Variants in LRP1B observed in about 807,000 individuals in gnomAD.
The protein encoded by LRP1B is LDL receptor related protein 1B.
Under a neutral mutation model 556.6 loss-of-function variants are expected in LRP1B, and 217 were observed. The observed-to-expected ratio is 0.39, with a 90% CI of 0.35 to 0.44. The LOEUF is 0.44. Among genes scored for constraint, LRP1B ranks in the 20% least tolerant of loss-of-function variants. LRP1B has a pLI of 1.00. For missense variants in LRP1B, 5,053 were observed against 5,620.8 expected (o/e 0.90, Z 3.23); for synonymous variants, 2,047 against 1,865.8 (o/e 1.10, Z -2.50).
chr2:140,686,527 A>AGTGAGGTTG (rs765034711), intron 41 of LRP1B, among the ~76,000 whole-genome samples: 99 of 152,182 alleles, frequency 6.5e-4, no homozygotes, highest in Non-Finnish European at 1.2e-3. Context: ...AAATAATAAT[A>AGTGAGGTTG]GTGAGGTTGG....
intron 66 of LRP1B, among the ~76,000 whole-genome samples, chr2:140,397,434 TC>T (rs1281501932): frequency 6.6e-6 from 1 of 152,166 alleles, no homozygotes; most frequent in African/African-American, 2.4e-5. Context: ...AGACTTGTAT[TC>T]CTTGGAAAGT....
intron 66 of LRP1B, among the ~76,000 whole-genome samples, chr2:140,409,190 C>A (rs1005576651): frequency 6.6e-6 from 1 of 151,806 alleles, no homozygotes; most frequent in Non-Finnish European, 1.5e-5. Context: ...TGGGTAATTA[C>A]CTTGTTCTCA....
rs746703152 is a variant in LRP1B, at chr2:140,444,535, T to C, written c.10174+28A>G. 56 of 1,611,772 alleles carry C rather than the reference T, an allele frequency of 3.5e-5. 1 individual carries two copies. In the East Asian group the frequency reaches 1.2e-3, roughly 33 times the overall value. ...TAATCAGTTGAAAATTAGACTTATG[T>C]TCATTAGTTAGGAATTTAATCACCT... On this transcript the variant is annotated intron_variant, in intron 64 of 90. Coordinates refer to ENST00000389484, the MANE Select transcript of LRP1B (RefSeq NM_018557.3).
chr2:141,686,354 T>C (rs4954922), intron 2 of LRP1B, among the ~76,000 whole-genome samples: 57,567 of 151,804 alleles, frequency 0.38, 11,794 homozygotes, highest in East Asian at 0.58. Flanking sequence ...TGGGTCAGTC[T>C]AATGTTAATA....
intron 7 of LRP1B, among the ~76,000 whole-genome samples, chr2:141,177,292 T>C (rs114721929): frequency 1.2e-3 from 186 of 152,150 alleles, no homozygotes; most frequent in African/African-American, 4.3e-3. Context: ...AAAAAATAAA[T>C]ATTTCAATCC....
At position 141,313,702 on chromosome 2, in the gene LRP1B, A is replaced by T. The variant is rs1996718; in HGVS notation, c.344-59061T>A. On this transcript the variant is annotated intron_variant, in intron 3 of 90. Coordinates refer to ENST00000389484, the MANE Select transcript of LRP1B (RefSeq NM_018557.3). ...TTCACTCCTAGTAAATACATTAGTG[A>T]TCACTGCAAGTGGGTGATTATTTTG... is the stretch of plus-strand genomic sequence containing the variant. 3.3e-5 allele frequency among the ~76,000 whole-genome samples: 5 copies of T among 152,178 alleles called. No individual in the cohort carries two copies. The South Asian group carries it at 1.0e-3, about 31-fold the overall frequency.
At chr2:141,300,950 G>A (rs1686369172) in intron 3 of LRP1B, among the ~76,000 whole-genome samples, 1 of 152,048 alleles carries the variant, frequency 6.6e-6, no homozygotes, top group Non-Finnish European at 1.5e-5. Flanking sequence ...TCTACTGGGA[G>A]GAAGAATAAT....
At chr2:141,873,282 C>A (rs1425430631) in intron 1 of LRP1B, among the ~76,000 whole-genome samples, 1 of 151,792 alleles carries the variant, frequency 6.6e-6, no homozygotes, top group African/African-American at 2.4e-5. Flanking sequence ...ATGGCAAAAC[C>A]CCATGTCTAA....
chr2:141,553,282 C>T (rs1231771789), intron 2 of LRP1B, among the ~76,000 whole-genome samples: 2 of 151,842 alleles, frequency 1.3e-5, no homozygotes, highest in Non-Finnish European at 2.9e-5. Flanking sequence ...GGTCAAGTTG[C>T]AAGCAAAGGG....
intron 41 of LRP1B, among the ~76,000 whole-genome samples, chr2:140,658,438 T>C (rs1684965500): frequency 6.6e-6 from 1 of 152,146 alleles, no homozygotes. Flanking sequence ...AATTAAACAA[T>C]CTTTGGCAAT....
chr2:140,765,267 G>A (rs10180342), intron 35 of LRP1B, among the ~76,000 whole-genome samples: 133,073 of 152,210 alleles, frequency 0.87, 58,568 homozygotes, highest in East Asian at 1. Context: ...AAAAAAGAAT[G>A]TAAGTGTGAA....
intron 2 of LRP1B, among the ~76,000 whole-genome samples, chr2:141,662,982 A>G (rs1039230597): frequency 1.3e-5 from 2 of 151,846 alleles, no homozygotes; most frequent in Admixed American, 6.6e-5. Context: ...AGAAATAATA[A>G]CAGTCTCTTA....
intron 1 of LRP1B, among the ~76,000 whole-genome samples, chr2:141,877,263 G>T (rs1036656458): frequency 2.6e-5 from 4 of 151,866 alleles, no homozygotes; most frequent in African/African-American, 7.2e-5. Flanking sequence ...ATTACCTGGG[G>T]TAGCAAAGAC....
intron 41 of LRP1B, among the ~76,000 whole-genome samples, chr2:140,612,729 C>A (rs888731727): frequency 6.6e-6 from 1 of 152,142 alleles, no homozygotes. Flanking sequence ...GCCTACCAAA[C>A]AATGAACAAC....
chr2:141,326,419 T>G (rs1362997487), intron 3 of LRP1B, among the ~76,000 whole-genome samples: 1 of 152,098 alleles, frequency 6.6e-6, no homozygotes, highest in East Asian at 1.9e-4. Flanking sequence ...AAAGCAGAAC[T>G]GTGGAAAAGC....
intron 7 of LRP1B, among the ~76,000 whole-genome samples, chr2:141,159,610 T>C (rs1000119827): frequency 6.6e-6 from 1 of 152,020 alleles, no homozygotes; most frequent in Non-Finnish European, 1.5e-5. Context: ...GAAAGACAAT[T>C]GGAAAAATTA....
intron 2 of LRP1B, among the ~76,000 whole-genome samples, chr2:141,554,156 G>C (rs899278685): frequency 7.0e-6 from 1 of 143,734 alleles, no homozygotes; most frequent in African/African-American, 2.5e-5. Context: ...CATAGATATA[G>C]ATTATATATA....
intron 41 of LRP1B, among the ~76,000 whole-genome samples, chr2:140,640,066 G>A (rs1295846097): frequency 1.3e-5 from 2 of 151,858 alleles, no homozygotes; most frequent in Non-Finnish European, 2.9e-5. Context: ...GCAGTGGCAC[G>A]ATCTCGGCTC....
intron 41 of LRP1B, among the ~76,000 whole-genome samples, chr2:140,673,987 C>T (rs1378578997): frequency 3.4e-5 from 5 of 146,384 alleles, no homozygotes; most frequent in African/African-American, 1.3e-4. Flanking sequence ...CTTGCTTTGT[C>T]GCCCAGGCTG....
Sources: gnomAD v4.1 joint callset for allele counts (sites outside exome capture counted in the v4.1 genomes callset) on GRCh38, gnomAD v4.1.1 for gene constraint, MANE v1.5 for transcripts, NCBI Gene and HGNC (gene_info 2026-07-23, HGNC 2026-07-21) for gene names.